The following STX19 variants were observed in gnomAD, a reference collection of about 807,000 sequenced individuals.
STX19 encodes syntaxin 19.
A neutral mutation model predicts 24.3 loss-of-function variants in STX19; 26 were observed. The ratio of observed to expected loss-of-function variants is 1.07; its 90% CI spans 0.78 to 1.48. STX19 has a LOEUF of 1.48. Ranked by LOEUF, STX19 falls within the 40% of genes most tolerant of loss-of-function variation. The probability of loss-of-function intolerance (pLI) is 0.00; values close to 1 mark genes in which losing one functional copy is unlikely to be tolerated. For synonymous variants in STX19, 116 were observed against 106.9 expected (o/e 1.09, Z -0.52); for missense variants, 367 against 331.9 (o/e 1.11, Z -0.82).
intron 1 of STX19, among the ~76,000 whole-genome samples, chr3:94,025,699 G>C (rs1302992408): frequency 1.3e-5 from 2 of 152,172 alleles, no homozygotes; most frequent in Non-Finnish European, 2.9e-5. Flanking sequence ...GCCCCATGGA[G>C]TTTGCCCCTT....
chr3:94,020,684 T>C lies in STX19; in HGVS notation c.-13-5402A>G, dbSNP rs143483852. Among the ~76,000 whole-genome samples the C allele has an allele frequency of 8.5e-5, 13 of 152,342 alleles. No homozygotes were observed. The East Asian group carries it at 2.5e-3, about 29-fold the overall frequency. On this transcript the variant is annotated intron_variant, in intron 1 of 1. Transcript: ENST00000315099. ...ATTCGGAAACATTTGCTGTATTACT[T>C]TATTGCCACATGACTATATTGCTGA...
chr3:94,023,114 G>A (rs1275750983), intron 1 of STX19, among the ~76,000 whole-genome samples: 2 of 151,612 alleles, frequency 1.3e-5, no homozygotes, highest in African/African-American at 2.4e-5. Context: ...ATTTGGGAGT[G>A]TACCATAGCT....
At chr3:94,018,938 G>T (rs1417765793) in intron 1 of STX19, among the ~76,000 whole-genome samples, 1 of 151,862 alleles carries the variant, frequency 6.6e-6, no homozygotes, top group African/African-American at 2.4e-5. Context: ...GCTAATTTTT[G>T]TATTTTTATT....
intron 1 of STX19, among the ~76,000 whole-genome samples, chr3:94,027,121 A>G (rs2076573535): frequency 6.6e-6 from 1 of 152,096 alleles, no homozygotes. Flanking sequence ...ATTAAATAAA[A>G]CATTTCAAGA....
chr3:94,022,682 G>A (rs1178822026), intron 1 of STX19, among the ~76,000 whole-genome samples: 1 of 151,892 alleles, frequency 6.6e-6, no homozygotes, highest in Non-Finnish European at 1.5e-5. Flanking sequence ...TCAATGGATA[G>A]AGATAGAAAA....
chr3:94,019,580 T>G (rs1433666881), intron 1 of STX19, among the ~76,000 whole-genome samples: 1 of 145,582 alleles, frequency 6.9e-6, no homozygotes, highest in Non-Finnish European at 1.5e-5. Flanking sequence ...CTACCCCCCA[T>G]CCTGCCCCCA....
In STX19 at chr3:94,015,221, G is replaced by A. The variant is rs1361599470; in HGVS notation, c.49C>T (p.Leu17Phe). 1 of 1,589,082 alleles carries A rather than the reference G, an allele frequency of 6.3e-7. No individual in the cohort carries two copies. Among genetic ancestry groups the A allele is most frequent in the Non-Finnish European group, 8.5e-7 (1 of 1,172,122 alleles). Residue 17 changes from leucine to phenylalanine, a missense_variant, in exon 2 of 2, where the codon CTC (leucine) becomes TTC (phenylalanine). Leu to Phe is a conservative substitution (Grantham distance 22). Transcript: ENST00000315099. ...GTTGATACATGACTGTCTCTAGAGA[G>A]TTCAATTTCCTTTGTTCTCTGCTTT... ...ELKQRTKEIE[L>F]SRDSHVSTTE...
At position 94,023,499 on chromosome 3, in the gene STX19, A is replaced by T. The variant is rs561235644; in HGVS notation, c.-14+4868T>A. Reference sequence around the variant, plus strand: ...GTATTTACGGTCTTGCTTTTTTTTTAAATAATTTCTTTAAGAACTTTATTT... The same window carrying T: ...GTATTTACGGTCTTGCTTTTTTTTTTAATAATTTCTTTAAGAACTTTATTT... On this transcript the variant is annotated intron_variant, in intron 1 of 1. Transcript: ENST00000315099. Among the ~76,000 whole-genome samples, 5 of 151,706 alleles carry T rather than the reference A, an allele frequency of 3.3e-5. No individual in the cohort carries two copies. In the South Asian group the frequency reaches 6.2e-4, roughly 19 times the overall value.
intron 1 of STX19, among the ~76,000 whole-genome samples, chr3:94,023,312 C>T (rs908131992): frequency 2.0e-5 from 3 of 151,932 alleles, no homozygotes; most frequent in African/African-American, 7.2e-5. Flanking sequence ...CCTGTGTTTT[C>T]TGATATTTTG....
intron 1 of STX19, among the ~76,000 whole-genome samples, chr3:94,024,119 G>GT (rs1163211411): frequency 2.0e-5 from 3 of 152,206 alleles, no homozygotes; most frequent in Admixed American, 2.0e-4. Context: ...ACTATGAATT[G>GT]TTTTTTAAAA....
At chr3:94,018,607 C>T (rs1401457919) in intron 1 of STX19, among the ~76,000 whole-genome samples, 2 of 152,098 alleles carry the variant, frequency 1.3e-5, no homozygotes, top group East Asian at 3.9e-4. Flanking sequence ...ATTTGTATCT[C>T]CAGTTTAGGT....
intron 1 of STX19, among the ~76,000 whole-genome samples, chr3:94,028,124 T>G (rs2076596279): frequency 2.6e-5 from 4 of 152,132 alleles, no homozygotes. Flanking sequence ...ACTTAAAAAT[T>G]TTTTCTTTCC....
At chr3:94,019,257 C>T (rs545600157) in intron 1 of STX19, among the ~76,000 whole-genome samples, 2 of 151,636 alleles carry the variant, frequency 1.3e-5, no homozygotes, top group South Asian at 4.2e-4. Context: ...AGTGCAGTGG[C>T]ACAATCTTGG....
At chr3:94,022,902 A>G (rs1254392985) in intron 1 of STX19, among the ~76,000 whole-genome samples, 1 of 152,068 alleles carries the variant, frequency 6.6e-6, no homozygotes, top group Non-Finnish European at 1.5e-5. Flanking sequence ...TCACTAATTC[A>G]TTCTAAAACT....
chr3:94,018,940 A>G (rs2076390996), intron 1 of STX19, among the ~76,000 whole-genome samples: 1 of 151,504 alleles, frequency 6.6e-6, no homozygotes, highest in African/African-American at 2.4e-5. Flanking sequence ...TAATTTTTGT[A>G]TTTTTATTAA....
chr3:94,018,705 G>T (rs1271827947), intron 1 of STX19, among the ~76,000 whole-genome samples: 1 of 152,102 alleles, frequency 6.6e-6, no homozygotes, highest in Non-Finnish European at 1.5e-5. Context: ...CCCGTAAACT[G>T]CCCCATCTCT....
At chr3:94,024,229 A>C (rs1182749159) in intron 1 of STX19, among the ~76,000 whole-genome samples, 1 of 152,186 alleles carries the variant, frequency 6.6e-6, no homozygotes, top group Non-Finnish European at 1.5e-5. Flanking sequence ...TTGACTATGA[A>C]TTCTTAAAAA....
chr3:94,026,594 G>A (rs1186082099), intron 1 of STX19, among the ~76,000 whole-genome samples: 1 of 152,094 alleles, frequency 6.6e-6, no homozygotes, highest in Non-Finnish European at 1.5e-5. Flanking sequence ...AGACAAATAA[G>A]CATGTTAGAA....
At chr3:94,021,309 G>A (rs955732058) in intron 1 of STX19, among the ~76,000 whole-genome samples, 3 of 151,404 alleles carry the variant, frequency 2.0e-5, no homozygotes, top group African/African-American at 4.9e-5. Context: ...ATTCTCCTGC[G>A]TCAGCCTCCC....
Sources: gnomAD v4.1 joint callset for allele counts (sites outside exome capture counted in the v4.1 genomes callset) on GRCh38, gnomAD v4.1.1 for gene constraint, MANE v1.5 for transcripts, NCBI Gene and HGNC (gene_info 2026-07-23, HGNC 2026-07-21) for gene names.